FRYL: variants seen among roughly 807,000 people sequenced by gnomAD.
FRYL encodes FRY like transcription coactivator.
In FRYL, 150 loss-of-function variants were observed where a neutral mutation model predicts 351.2. That is an observed-to-expected ratio of 0.43 (90% confidence interval 0.37 to 0.49). FRYL has a LOEUF of 0.49. Ranked by LOEUF, FRYL falls within the 20% of genes least tolerant of loss-of-function variation. The pLI is 0.00. For missense variants in FRYL, 3,036 were observed against 3,619.3 expected (o/e 0.84, Z 4.13); for synonymous variants, 1,153 against 1,257.1 (o/e 0.92, Z 1.75).
chr4:48,745,952 C>A (rs1049106503), intron 1 of FRYL, among the ~76,000 whole-genome samples: 8 of 151,998 alleles, frequency 5.3e-5, no homozygotes, highest in Non-Finnish European at 1.2e-4. Context: ...TACTCAGTAT[C>A]TTAGAGTAAA....
chr4:48,610,758 A>G (rs957676426), intron 7 of FRYL, among the ~76,000 whole-genome samples: 1 of 146,436 alleles, frequency 6.8e-6, no homozygotes, highest in African/African-American at 2.5e-5. Flanking sequence ...GTATATATAC[A>G]TATATTATAT....
chr4:48,501,181 GT>G (rs1719557902), intron 62 of FRYL, among the ~76,000 whole-genome samples: 1 of 151,388 alleles, frequency 6.6e-6, no homozygotes. Context: ...TTGAACTGAT[GT>G]GCTTTGTTTG....
chr4:48,705,910 T>C (rs1767290182), intron 2 of FRYL, among the ~76,000 whole-genome samples: 1 of 152,112 alleles, frequency 6.6e-6, no homozygotes, highest in Admixed American at 6.5e-5. Context: ...GACCTCAGTT[T>C]ACTGCAACCT....
intron 19 of FRYL, among the ~76,000 whole-genome samples, chr4:48,585,738 A>T (rs1464478516): frequency 1.3e-5 from 2 of 152,260 alleles, no homozygotes; most frequent in Non-Finnish European, 2.9e-5. Flanking sequence ...GGTAGATGTG[A>T]TAATCTAGTG....
At chr4:48,779,239 A>G (rs1009234456) in intron 1 of FRYL, among the ~76,000 whole-genome samples, 1 of 152,294 alleles carries the variant, frequency 6.6e-6, no homozygotes, top group African/African-American at 2.4e-5. Flanking sequence ...ACGGCAAATA[A>G]AAGTTGCAAA....
In FRYL at chr4:48,623,185, A is replaced by AC; in HGVS notation, c.121-7_121-6insG. 1 of 1,382,630 alleles carries AC rather than the reference A, an allele frequency of 7.2e-7. No individual in the cohort carries two copies. The highest frequency in any genetic ancestry group is 9.9e-7 in the Non-Finnish European group (1 of 1,007,674). 85.6% of individuals were successfully genotyped at this position (1,382,630 alleles called of 1,614,324 possible). ...GATCTGGACAATAGCTTCTCCTATG[A>AC]TTAAAAAAAACAAACATTAAAAATA... On this transcript the variant is annotated splice_region_variant and splice_polypyrimidine_tract_variant and intron_variant, in intron 4 of 63. Coordinates refer to ENST00000358350, the MANE Select transcript of FRYL (RefSeq NM_015030.2).
intron 7 of FRYL, 81 bp downstream of exon 7, chr4:48,619,193 G>C (rs1300598732): frequency 1.2e-6 from 1 of 864,552 alleles, no homozygotes; most frequent in Admixed American, 2.1e-5. Flanking sequence ...TCTAGACACA[G>C]CATCTTAAAG....
At chr4:48,563,082 G>T in intron 31 of FRYL, 94 bp from the exon 32 acceptor site, 2 of 781,876 alleles carry the variant, frequency 2.6e-6, no homozygotes, top group Non-Finnish European at 4.2e-6. Flanking sequence ...AGGCTTATAG[G>T]CATCTATCTT....
At chr4:48,538,100 T>C (rs1729289110) in intron 47 of FRYL, among the ~76,000 whole-genome samples, 2 of 152,188 alleles carry the variant, frequency 1.3e-5, no homozygotes, top group South Asian at 2.1e-4. Context: ...ATACAGGCAG[T>C]TGGTTTTAGG....
At chr4:48,556,461 C>G (rs1283154076) in intron 35 of FRYL, among the ~76,000 whole-genome samples, 2 of 152,198 alleles carry the variant, frequency 1.3e-5, no homozygotes, top group Non-Finnish European at 2.9e-5. Flanking sequence ...CTTCCAGCAG[C>G]CTGAAGGACA....
intron 37 of FRYL, 85 bp downstream of exon 37, chr4:48,551,409 T>A (rs1379948396): frequency 3.9e-6 from 3 of 760,144 alleles, no homozygotes; most frequent in Non-Finnish European, 6.2e-6. Flanking sequence ...AACATCCACA[T>A]TTCAATGCAG....
At position 48,581,722 on chromosome 4, in the gene FRYL, T is replaced by C. The variant is rs1740936185; in HGVS notation, c.1987-117A>G. ...ATTATGACTACCGGTCTGCCTCAGC[T>C]CAAGCAATGTAAATCGCATGTATTT... On this transcript the variant is annotated intron_variant, in intron 20 of 63. Transcript: ENST00000358350. 7 of 760,694 alleles carry C rather than the reference T, an allele frequency of 9.2e-6. No individual in the cohort carries two copies. In the South Asian group the frequency reaches 1.5e-4, roughly 17 times the overall value. The allele number at this position is 760,694 out of a possible 1,614,324, so 47.1% of individuals were successfully genotyped here. A position where few individuals can be genotyped will look rare whatever the true frequency, so the allele number is the denominator to read the frequency against.
chr4:48,675,431 C>T (rs570863948), intron 3 of FRYL, among the ~76,000 whole-genome samples: 1 of 152,334 alleles, frequency 6.6e-6, no homozygotes, highest in East Asian at 1.9e-4. Context: ...GCCCGGCACT[C>T]GGAGCAGACG....
intron 1 of FRYL, among the ~76,000 whole-genome samples, chr4:48,728,943 G>A (rs771924327): frequency 5.3e-5 from 8 of 152,222 alleles, no homozygotes; most frequent in Non-Finnish European, 7.3e-5. Flanking sequence ...AAATGCAAGC[G>A]GTCAGGGGAT....
intron 1 of FRYL, among the ~76,000 whole-genome samples, chr4:48,742,756 A>G (rs1010836404): frequency 6.6e-6 from 1 of 152,036 alleles, no homozygotes; most frequent in Admixed American, 6.6e-5. Context: ...AGAAATTTCA[A>G]TTTGCCAAGA....
intron 43 of FRYL, 85 bp downstream of exon 43, chr4:48,544,698 C>T: frequency 8.9e-7 from 1 of 1,118,692 alleles, no homozygotes; most frequent in Non-Finnish European, 1.2e-6. Flanking sequence ...ATCACAATAT[C>T]AACTATTAAC....
chr4:48,631,484 C>T (rs1303828185), intron 4 of FRYL, among the ~76,000 whole-genome samples: 2 of 151,698 alleles, frequency 1.3e-5, no homozygotes, highest in African/African-American at 4.8e-5. Flanking sequence ...AGGCACACAC[C>T]ACAGCAATAC....
At chr4:48,728,968 C>G (rs1770403602) in intron 1 of FRYL, among the ~76,000 whole-genome samples, 3 of 152,344 alleles carry the variant, frequency 2.0e-5, no homozygotes, top group South Asian at 4.1e-4. Context: ...CTTTCCTAGC[C>G]AAGGGAAGCC....
intron 1 of FRYL, among the ~76,000 whole-genome samples, chr4:48,741,354 T>C (rs1293376793): frequency 6.6e-6 from 1 of 151,956 alleles, no homozygotes; most frequent in African/African-American, 2.4e-5. Flanking sequence ...TCCTAGCTAA[T>C]ACAGTGAAAC....
Sources: gnomAD v4.1 joint callset for allele counts (sites outside exome capture counted in the v4.1 genomes callset) on GRCh38, gnomAD v4.1.1 for gene constraint, MANE v1.5 for transcripts, NCBI Gene and HGNC (gene_info 2026-07-23, HGNC 2026-07-21) for gene names.